PDE7B: variants seen among roughly 807,000 people sequenced by gnomAD.
PDE7B encodes the protein 3',5'-cyclic-AMP phosphodiesterase 7B.
In PDE7B, 29 loss-of-function variants were observed where a neutral mutation model predicts 56.2. That is an observed-to-expected ratio of 0.52 (90% CI 0.38 to 0.70). PDE7B has a LOEUF of 0.70. Among genes scored for constraint, PDE7B ranks in the 30% least tolerant of loss-of-function variants. The probability of loss-of-function intolerance (pLI) is 0.00; values close to 1 mark genes in which losing one functional copy is unlikely to be tolerated. For missense variants in PDE7B, 490 were observed against 565.0 expected (o/e 0.87, Z 1.35); for synonymous variants, 197 against 196.9 (o/e 1.00, Z 0.00).
chr6:136,134,686 C>T (rs1778179259), intron 3 of PDE7B, among the ~76,000 whole-genome samples: 1 of 149,020 alleles, frequency 6.7e-6, no homozygotes, highest in African/African-American at 2.5e-5. Context: ...CCCTGAACCC[C>T]GGATGTCAGA....
intron 1 of PDE7B, among the ~76,000 whole-genome samples, chr6:135,937,200 A>G (rs1774435410): frequency 6.6e-6 from 1 of 152,160 alleles, no homozygotes; most frequent in Non-Finnish European, 1.5e-5. Context: ...TGCGTGTGGT[A>G]CTCATGTTAC....
At chr6:135,871,404 A>G (rs913579212) in intron 1 of PDE7B, among the ~76,000 whole-genome samples, 6 of 152,244 alleles carry the variant, frequency 3.9e-5, no homozygotes, top group African/African-American at 7.2e-5. Context: ...AAACAGCAGA[A>G]GCAACAGGGC....
chr6:136,079,887 G>T (rs1415194932), intron 2 of PDE7B, among the ~76,000 whole-genome samples: 1 of 152,084 alleles, frequency 6.6e-6, no homozygotes, highest in Non-Finnish European at 1.5e-5. Flanking sequence ...GAGAGTTTGA[G>T]GGTGGATCCT....
chr6:136,124,233 A>AT, intron 3 of PDE7B, among the ~76,000 whole-genome samples: 2 of 152,234 alleles, frequency 1.3e-5, no homozygotes, highest in East Asian at 3.9e-4. Context: ...AATTATATAT[A>AT]AAAAATAAAA....
intron 2 of PDE7B, among the ~76,000 whole-genome samples, chr6:135,975,517 A>G (rs1279989521): frequency 1.4e-5 from 2 of 146,432 alleles, no homozygotes; most frequent in Non-Finnish European, 2.9e-5. Context: ...ACAGAGGAGT[A>G]TGTAACTCAA....
intron 2 of PDE7B, among the ~76,000 whole-genome samples, chr6:135,965,391 C>G (rs1351471789): frequency 2.6e-5 from 4 of 152,112 alleles, no homozygotes; most frequent in Non-Finnish European, 4.4e-5. Flanking sequence ...AGGAGTGAGC[C>G]TGGAGAACCC....
rs896206402 is a variant in PDE7B, at chr6:136,147,628, C to T, written c.318+126C>T. On this transcript the variant is annotated intron_variant, in intron 4 of 12. Coordinates refer to ENST00000308191, the MANE Select transcript of PDE7B (RefSeq NM_018945.4). ...CTCTGTGACCCTGAGCTCATTATTC[C>T]ATACATCTGGACTTGTTCCTCTAAT... is the stretch of plus-strand genomic sequence containing the variant. 5 of 660,966 alleles carry T rather than the reference C, an allele frequency of 7.6e-6. No homozygotes were observed. The Admixed American group carries it at 8.1e-5, about 11-fold the overall frequency. 40.9% of individuals were successfully genotyped at this position (660,966 alleles called of 1,614,324 possible).
At chr6:136,046,322 T>C (rs951454081) in intron 2 of PDE7B, 3 of 152,256 alleles carry the variant, frequency 2.0e-5, no homozygotes, top group Non-Finnish European at 4.4e-5. Flanking sequence ...AAATATGTGA[T>C]GAAACGTAGC....
chr6:136,108,560 C>A (rs1269974945), intron 2 of PDE7B, among the ~76,000 whole-genome samples, 171 bp from the exon 3 acceptor site: 11 of 152,114 alleles, frequency 7.2e-5, no homozygotes, highest in Non-Finnish European at 1.3e-4. Flanking sequence ...TATTGCCAAC[C>A]TCATTACACT....
At position 136,195,344 on chromosome 6, in the gene PDE7B, G is replaced by A. The variant is rs971988470; in HGVS notation, c.*3504G>A. ...TCTTTTCTCGTGTTGAATCAGATCT[G>A]CTTACTTATTTAGGTTTGGTTATGA... is the stretch of plus-strand genomic sequence containing the variant. On this transcript the variant is annotated 3_prime_UTR_variant, in exon 13 of 13. Coordinates refer to ENST00000308191, the MANE Select transcript of PDE7B (RefSeq NM_018945.4). 4.0e-5 allele frequency: 6 copies of A among 150,038 alleles called. No homozygotes were observed. The highest frequency in any genetic ancestry group is 1.5e-4 in the African/African-American group (6 of 40,574). The allele number at this position is 150,038 out of a possible 1,614,324, so 9.3% of individuals were successfully genotyped here.
At chr6:135,871,430 C>T (rs1775377338) in intron 1 of PDE7B, among the ~76,000 whole-genome samples, 1 of 152,150 alleles carries the variant, frequency 6.6e-6, no homozygotes, top group Non-Finnish European at 1.5e-5. Flanking sequence ...GAAATATTTG[C>T]TTAGATTCCT....
chr6:136,160,649 G>A (rs1289294010), intron 8 of PDE7B, among the ~76,000 whole-genome samples: 2 of 152,018 alleles, frequency 1.3e-5, no homozygotes, highest in African/African-American at 4.8e-5. Flanking sequence ...TGACCACATC[G>A]ATTCCTGCTT....
intron 5 of PDE7B, among the ~76,000 whole-genome samples, chr6:136,150,458 A>G (rs1055235025): frequency 2.6e-5 from 4 of 151,938 alleles, no homozygotes; most frequent in African/African-American, 9.7e-5. Flanking sequence ...CCATTTATTG[A>G]AGAGACTATC....
rs190011943 is a variant in PDE7B, at chr6:135,859,259, T to C, written c.21+7240T>C. On this transcript the variant is annotated intron_variant, in intron 1 of 12. Coordinates refer to ENST00000308191, the MANE Select transcript of PDE7B (RefSeq NM_018945.4). ...TCTAAGAAAAAAGTTATTTTCTATGTGACAGAAATATAGTGTGTTTCCATG... is the reference window on the plus strand; with the variant it reads ...TCTAAGAAAAAAGTTATTTTCTATGCGACAGAAATATAGTGTGTTTCCATG... 2.2e-4 allele frequency among the ~76,000 whole-genome samples: 33 copies of C among 152,290 alleles called. 2 individuals carry two copies. The East Asian group carries it at 5.8e-3, about 27-fold the overall frequency.
At chr6:135,940,274 T>G (rs1462378165) in intron 1 of PDE7B, among the ~76,000 whole-genome samples, 1 of 152,216 alleles carries the variant, frequency 6.6e-6, no homozygotes, top group Non-Finnish European at 1.5e-5. Context: ...CCTGCGGTCA[T>G]GTCTTTCAAA....
chr6:136,147,562 T>C (rs1259406757), intron 4 of PDE7B, 60 bp downstream of exon 4: 4 of 1,439,956 alleles, frequency 2.8e-6, no homozygotes, highest in Non-Finnish European at 3.9e-6. Flanking sequence ...GTGCCTCAGC[T>C]GATAGCACTG....
At chr6:136,121,407 C>T (rs113577274) in intron 3 of PDE7B, among the ~76,000 whole-genome samples, 149 of 152,214 alleles carry the variant, frequency 9.8e-4, no homozygotes, top group Middle Eastern at 3.4e-3. Context: ...CATGTTCTAC[C>T]ACATTAGCTT....
chr6:136,158,044 G>T (rs1389434659), intron 8 of PDE7B, among the ~76,000 whole-genome samples: 2 of 152,134 alleles, frequency 1.3e-5, no homozygotes, highest in African/African-American at 4.8e-5. Context: ...TTATAGATGA[G>T]GAACTGGCAG....
chr6:136,026,012 T>C (rs1776143634), intron 2 of PDE7B, among the ~76,000 whole-genome samples: 1 of 152,200 alleles, frequency 6.6e-6, no homozygotes, highest in Admixed American at 6.5e-5. Flanking sequence ...TGGGTAGATC[T>C]GTGAGCTCCA....
Sources: gnomAD v4.1 joint callset for allele counts (sites outside exome capture counted in the v4.1 genomes callset) on GRCh38, gnomAD v4.1.1 for gene constraint, MANE v1.5 for transcripts, NCBI Gene and HGNC (gene_info 2026-07-23, HGNC 2026-07-21) for gene names.